Variants in MGAT4A observed in about 807,000 individuals in gnomAD.
MGAT4A encodes the protein N-acetylglucosaminyltransferase IVa.
MGAT4A carries 33 observed loss-of-function variants against 74.1 expected under a neutral mutation model. The ratio of observed to expected loss-of-function variants is 0.45; its 90% confidence interval spans 0.34 to 0.60. The LOEUF (loss-of-function observed/expected upper bound fraction) is 0.60. Among genes scored for constraint, MGAT4A ranks in the 20% least tolerant of loss-of-function variants. MGAT4A has a pLI of 0.02. For synonymous variants in MGAT4A, 198 were observed against 210.4 expected (o/e 0.94, Z 0.51); for missense variants, 479 against 628.3 (o/e 0.76, Z 2.54).
Position 98,622,366 on chromosome 2 carries a change from G to A in MGAT4A, c.*3200C>T. On this transcript the variant is annotated 3_prime_UTR_variant, in exon 16 of 16. Coordinates refer to ENST00000393487, the MANE Select transcript of MGAT4A (RefSeq NM_012214.3). The stretch of plus-strand genomic sequence containing the variant: ...TGAGTACTTGGAATGTCACTAGTGT[G>A]TGTGATGGCAGAACCGGGTAAAAAA... The A allele has an allele frequency of 2.0e-6, 2 of 985,446 alleles. No individual in the cohort carries two copies. The highest frequency in any genetic ancestry group is 2.4e-6 in the Non-Finnish European group (2 of 829,938). 61.0% of individuals were successfully genotyped at this position (985,446 alleles called of 1,614,324 possible).
chr2:98,714,701 A>G (rs899294775), intron 2 of MGAT4A, among the ~76,000 whole-genome samples: 5 of 152,228 alleles, frequency 3.3e-5, no homozygotes, highest in Non-Finnish European at 2.9e-5. Context: ...ACAAGCCTGG[A>G]GCATGCTATG....
At chr2:98,637,912 G>C (rs144801766) in intron 12 of MGAT4A, among the ~76,000 whole-genome samples, 2 of 152,286 alleles carry the variant, frequency 1.3e-5, no homozygotes, top group East Asian at 3.9e-4. Context: ...TGGGCCAGTA[G>C]ATATGGCTGT....
intron 4 of MGAT4A, among the ~76,000 whole-genome samples, chr2:98,671,943 CAAAAA>C (rs59955000): frequency 3.5e-5 from 1 of 28,616 alleles, no homozygotes; most frequent in Non-Finnish European, 6.4e-5. Flanking sequence ...GTGGAAAAGG[CAAAAA>C]AAAAAAAAAA....
Position 98,620,273 on chromosome 2 carries a change from T to G in MGAT4A, c.*5293A>C, listed in dbSNP as rs1037085163. The stretch of plus-strand genomic sequence containing the variant: ...AGCATATAAGATTCATAATTTAAAA[T>G]GCACAACTACCAAAGTCAAACAAAA... On this transcript the variant is annotated 3_prime_UTR_variant, in exon 16 of 16. Transcript: ENST00000393487. 1.3e-5 allele frequency: 2 copies of G among 152,214 alleles called. No homozygotes were observed. Among genetic ancestry groups the G allele is most frequent in the South Asian group, 4.1e-4 (2 of 4,830 alleles). 9.4% of individuals were successfully genotyped at this position (152,214 alleles called of 1,614,324 possible). A position where few individuals can be genotyped will look rare whatever the true frequency, so the allele number is the denominator to read the frequency against.
chr2:98,698,102 G>C (rs944981431), intron 2 of MGAT4A, among the ~76,000 whole-genome samples: 6 of 152,196 alleles, frequency 3.9e-5, no homozygotes, highest in Non-Finnish European at 8.8e-5. Flanking sequence ...TTCAAGTGCA[G>C]AAGAACCAGA....
At position 98,663,303 on chromosome 2, in the gene MGAT4A, A is replaced by C. The variant is rs756372214; in HGVS notation, c.404-124T>G. ...AATAACTGATGGATCAAAATATATTAAGTTTCAGGAAGAAAAATAAAGAAT... is the reference window on the plus strand; with the variant it reads ...AATAACTGATGGATCAAAATATATTCAGTTTCAGGAAGAAAAATAAAGAAT... On this transcript the variant is annotated intron_variant, in intron 4 of 15. Coordinates refer to ENST00000393487, the MANE Select transcript of MGAT4A (RefSeq NM_012214.3). 4 of 1,523,580 alleles carry C rather than the reference A, an allele frequency of 2.6e-6. No individual in the cohort carries two copies. The South Asian group carries it at 4.9e-5, about 19-fold the overall frequency. The allele number at this position is 1,523,580 out of a possible 1,614,324, so 94.4% of individuals were successfully genotyped here.
chr2:98,694,561 T>G (rs1384683894), intron 2 of MGAT4A: 2 of 153,062 alleles, frequency 1.3e-5, no homozygotes, highest in African/African-American at 4.8e-5. Context: ...CAGTGGCTCA[T>G]GCCTATAATC....
At chr2:98,700,058 A>T (rs540465405) in intron 2 of MGAT4A, among the ~76,000 whole-genome samples, 1 of 152,048 alleles carries the variant, frequency 6.6e-6, no homozygotes, top group African/African-American at 2.4e-5. Context: ...ATATCCTCTC[A>T]TACCCAAACC....
intron 3 of MGAT4A, among the ~76,000 whole-genome samples, chr2:98,676,327 G>C (rs1240999909): frequency 6.6e-6 from 1 of 152,028 alleles, no homozygotes; most frequent in Non-Finnish European, 1.5e-5. Flanking sequence ...TTAAATATTG[G>C]TGATAACAAG....
At chr2:98,679,581 A>G (rs907349876) in intron 2 of MGAT4A, among the ~76,000 whole-genome samples, 3 of 151,422 alleles carry the variant, frequency 2.0e-5, no homozygotes, top group Non-Finnish European at 4.4e-5. Flanking sequence ...ACAGTGAGCT[A>G]TGATCACACA....
At chr2:98,662,986 T>C (rs765150928) in intron 5 of MGAT4A, 60 bp downstream of exon 5, 21 of 1,246,890 alleles carry the variant, frequency 1.7e-5, no homozygotes, top group Non-Finnish European at 2.1e-5. Context: ...AATATTCAAT[T>C]AGAGTTTCAA....
At position 98,619,338 on chromosome 2, in the gene MGAT4A, C is replaced by T. The variant is rs1292712678; in HGVS notation, c.*6228G>A. On this transcript the variant is annotated 3_prime_UTR_variant, in exon 16 of 16. Coordinates refer to ENST00000393487, the MANE Select transcript of MGAT4A (RefSeq NM_012214.3). ...TTACTACGGATAGGAATCATTCAGCCAATGAAGACATTTTAAGGAAAATAT... is the reference window on the plus strand; with the variant it reads ...TTACTACGGATAGGAATCATTCAGCTAATGAAGACATTTTAAGGAAAATAT... 2 of 151,894 alleles carry T rather than the reference C, an allele frequency of 1.3e-5. No individual in the cohort carries two copies. The highest frequency in any genetic ancestry group is 2.9e-5 in the Non-Finnish European group (2 of 67,938). 9.4% of individuals were successfully genotyped at this position (151,894 alleles called of 1,614,324 possible). A position where few individuals can be genotyped will look rare whatever the true frequency, so the allele number is the denominator to read the frequency against.
At chr2:98,661,540 CATTACATTCAG>C (rs1248762023) in intron 5 of MGAT4A, among the ~76,000 whole-genome samples, 1 of 152,104 alleles carries the variant, frequency 6.6e-6, no homozygotes. Flanking sequence ...CCTACTTAAA[CATTACATTCAG>C]AGAAAATCTC....
At chr2:98,659,316 A>T (rs1409000064) in intron 5 of MGAT4A, among the ~76,000 whole-genome samples, 2 of 152,174 alleles carry the variant, frequency 1.3e-5, no homozygotes, top group African/African-American at 2.4e-5. Flanking sequence ...GGGCAAATGT[A>T]AATAATTATG....
chr2:98,647,555 G>A (rs1048978407), intron 8 of MGAT4A, among the ~76,000 whole-genome samples: 4 of 152,156 alleles, frequency 2.6e-5, no homozygotes, highest in Non-Finnish European at 4.4e-5. Context: ...TTGACCTCAG[G>A]TGATCCACCC....
At chr2:98,688,473 C>G (rs1044327659) in intron 2 of MGAT4A, among the ~76,000 whole-genome samples, 5 of 152,130 alleles carry the variant, frequency 3.3e-5, no homozygotes, top group African/African-American at 1.2e-4. Context: ...GGCGTCATTT[C>G]CAGGATTATG....
intron 4 of MGAT4A, among the ~76,000 whole-genome samples, chr2:98,673,060 G>A (rs965719572): frequency 7.9e-5 from 12 of 151,980 alleles, no homozygotes; most frequent in African/African-American, 2.2e-4. Flanking sequence ...TTTGTTTGCC[G>A]CAGCCTGCCT....
rs112469189 is a variant in MGAT4A, at chr2:98,690,675, A to G, written c.95-12204T>C. On this transcript the variant is annotated intron_variant, in intron 2 of 15. Coordinates refer to ENST00000393487, the MANE Select transcript of MGAT4A (RefSeq NM_012214.3). ...TGAGAACAAACTATGAACAGATGCCAACACCAAGATGACGCAGATGTTGAA... is the reference window on the plus strand; with the variant it reads ...TGAGAACAAACTATGAACAGATGCCGACACCAAGATGACGCAGATGTTGAA... Among the ~76,000 whole-genome samples, 1,518 of 152,328 alleles carry G rather than the reference A, an allele frequency of 1.0e-2. 19 individuals are homozygous for G. Among genetic ancestry groups the G allele is most frequent in the African/African-American group, 0.035 (1,471 of 41,560 alleles).
chr2:98,658,991 A>C (rs890979419), intron 5 of MGAT4A, among the ~76,000 whole-genome samples: 2 of 152,224 alleles, frequency 1.3e-5, no homozygotes, highest in African/African-American at 2.4e-5. Flanking sequence ...GCTGCACTGC[A>C]GTGAACAAGT....
Sources: allele counts gnomAD v4.1 joint callset (sites outside exome capture counted in the v4.1 genomes callset), GRCh38; gene constraint gnomAD v4.1.1; transcripts MANE v1.5; gene names NCBI Gene and HGNC (gene_info 2026-07-23, HGNC 2026-07-21).